KCNC3: variants seen among roughly 807,000 people sequenced by gnomAD.
KCNC3 encodes the protein voltage-gated potassium channel KCNC3.
In KCNC3, 22 loss-of-function variants were observed where a neutral mutation model predicts 43.9. The ratio of observed to expected loss-of-function variants is 0.50; its 90% confidence interval spans 0.36 to 0.72. The LOEUF (loss-of-function observed/expected upper bound fraction) is 0.72, where lower values mean the gene tolerates loss of function less well. KCNC3 is among the 30% of genes least tolerant of loss of function. The pLI is 0.00. For missense variants in KCNC3, 829 were observed against 1,073.8 expected, an observed-to-expected ratio of 0.77 and a Z score of 3.19; for synonymous variants, 492 against 488.0, an observed-to-expected ratio of 1.01 and a Z score of -0.11.
At chr19:50,331,017 A>G (rs1326925543), upstream of KCNC3, among the ~76,000 whole-genome samples, 1 of 152,012 alleles carries the variant, frequency 6.6e-6, no homozygotes, top group Non-Finnish European at 1.5e-5. Flanking sequence ...TTCCTGCTGC[A>G]GGTGCGGCGG....
chr19:50,333,252 AG>A (rs1313589545), upstream of KCNC3, among the ~76,000 whole-genome samples: 1 of 152,134 alleles, frequency 6.6e-6, no homozygotes, highest in Non-Finnish European at 1.5e-5. Context: ...GGGGTGACCC[AG>A]CCCCGGCAGC....
chr19:50,313,447 T>A lies in KCNC3; in HGVS notation c.*2668A>T, dbSNP rs2036906001. 1 of 152,224 alleles carries A rather than the reference T, an allele frequency of 6.6e-6. No individual in the cohort carries two copies. The highest frequency in any genetic ancestry group is 2.4e-5 in the African/African-American group (1 of 41,452). 9.4% of individuals were successfully genotyped at this position (152,224 alleles called of 1,614,324 possible). ...ACAAAACTTTTAAAACAAGTGTTTGTCCTCATACTGCCTCAAACCTTAGCA... is the reference window on the plus strand; with the variant it reads ...ACAAAACTTTTAAAACAAGTGTTTGACCTCATACTGCCTCAAACCTTAGCA... On this transcript the variant is annotated 3_prime_UTR_variant, in exon 5 of 5. Coordinates refer to ENST00000477616, the MANE Select transcript of KCNC3 (RefSeq NM_004977.3).
In KCNC3 at chr19:50,314,323, C is replaced by G. The variant is rs550722148; in HGVS notation, c.*1792G>C. 1 of 153,658 alleles carries G rather than the reference C, an allele frequency of 6.5e-6. No homozygotes were observed. Among genetic ancestry groups the G allele is most frequent in the Admixed American group, 6.5e-5 (1 of 15,462 alleles). The allele number at this position is 153,658 out of a possible 1,614,324, so 9.5% of individuals were successfully genotyped here. ...AGTTTCTGGTTTGTTTTCTCCTAAT[C>G]AACGCACAGGGTTGGTTGTCCTCCT... On this transcript the variant is annotated 3_prime_UTR_variant, in exon 5 of 5. Transcript: ENST00000477616.
In KCNC3 at chr19:50,323,237, G is replaced by C. The variant is rs1391275066; in HGVS notation, c.1716C>G (p.Pro572=). The C allele has an allele frequency of 6.3e-7, 1 of 1,584,496 alleles. No individual in the cohort carries two copies. The highest frequency in any genetic ancestry group is 1.3e-5 in the African/African-American group (1 of 74,582). ...GGGGTGGGTCAGGCTTGCAGTAGTT[G>C]GGCGAGCCCGGTTGCGGGGGCCGGG... ...HIPRPPQPGS[P]NYCKPDPPPP... is the part of the protein sequence containing the mutation. Residue 572 remains proline, a synonymous_variant, in exon 2 of 5, where the codon CCC becomes CCG. Transcript: ENST00000477616.
At chr19:50,327,707 G>T (rs1456315781) in intron 1 of KCNC3, among the ~76,000 whole-genome samples, 1 of 152,018 alleles carries the variant, frequency 6.6e-6, no homozygotes, top group South Asian at 2.1e-4. Context: ...GAAAGTGGGG[G>T]TCAGGGCTCA....
chr19:50,332,787 A>AG (rs1381846576), upstream of KCNC3, among the ~76,000 whole-genome samples: 2 of 152,018 alleles, frequency 1.3e-5, no homozygotes, highest in African/African-American at 4.8e-5. This position sits in a 1 kb window ranked among gnomAD's most constrained non-coding sequence, Gnocchi z 5.8. Flanking sequence ...CAGGCCCTCA[A>AG]GACACAAAAT....
At chr19:50,326,529 TC>T (rs2037108004) in intron 1 of KCNC3, among the ~76,000 whole-genome samples, 1 of 149,414 alleles carries the variant, frequency 6.7e-6, no homozygotes, top group Non-Finnish European at 1.5e-5. Context: ...TCCGCGTCCT[TC>T]CCGGCTCAGG....
Position 50,320,585 on chromosome 19 carries a change from C to A in KCNC3, c.2170+8G>T, listed in dbSNP as rs775303895. On this transcript the variant is annotated splice_region_variant and intron_variant, in intron 3 of 4. Coordinates refer to ENST00000477616, the MANE Select transcript of KCNC3 (RefSeq NM_004977.3). ...GGTCCCAGGGGATCAGTAGGGGGGG[C>A]ACCTCACCTTTTCGGATGGAGCCAT... The A allele has an allele frequency of 1.1e-5, 17 of 1,609,332 alleles. No individual in the cohort carries two copies. The highest frequency in any genetic ancestry group is 3.4e-5 in the Admixed American group (2 of 59,582).
At chr19:50,330,832 C>T (rs1302723849), upstream of KCNC3, among the ~76,000 whole-genome samples, 1 of 151,950 alleles carries the variant, frequency 6.6e-6, no homozygotes, top group Non-Finnish European at 1.5e-5. Context: ...GCGGGCCGTC[C>T]CCGCCCCCTG....
At chr19:50,317,229 T>TG (rs35912998) in intron 4 of KCNC3, among the ~76,000 whole-genome samples, 44 of 143,606 alleles carry the variant, frequency 3.1e-4, no homozygotes, top group African/African-American at 1.0e-3. Flanking sequence ...AAAGGAGAGG[T>TG]GGGGGGGATG....
In KCNC3 at chr19:50,323,624, G is replaced by C. The variant is rs759513228; in HGVS notation, c.1329C>G (p.Ala443=). 6.2e-7 allele frequency: 1 copy of C among 1,614,230 alleles called. No homozygotes were observed. Among genetic ancestry groups the C allele is most frequent in the Admixed American group, 1.7e-5 (1 of 60,034 alleles). Residue 443 remains alanine, a synonymous_variant, in exon 2 of 5, where the codon GCC becomes GCG. Transcript: ENST00000477616. ...GLRVLGHTLR[A]STNEFLLLII... The stretch of plus-strand genomic sequence containing the variant: ...TGAGCAGCAGGAACTCGTTGGTGCT[G>C]GCGCGGAGCGTGTGTCCCAGCACGC...
chr19:50,322,786 T>C lies in KCNC3; in HGVS notation c.1978+189A>G, dbSNP rs143820165. Reference sequence around the variant, plus strand: ...GCAAATCTGTTTCTCCCCAAAACTCTTTCCCATGAAACCTATGTCTCTGTG... The same window carrying C: ...GCAAATCTGTTTCTCCCCAAAACTCCTTCCCATGAAACCTATGTCTCTGTG... On this transcript the variant is annotated intron_variant, in intron 2 of 4. Transcript: ENST00000477616. Among the ~76,000 whole-genome samples, 1,008 of 152,314 alleles carry C rather than the reference T, an allele frequency of 6.6e-3. 6 individuals carry two copies. The highest frequency in any genetic ancestry group is 0.021 in the African/African-American group (893 of 41,562).
At chr19:50,318,991 C>CAAAAAAAAAAAAAAA (rs11326559) in intron 4 of KCNC3, among the ~76,000 whole-genome samples, 5 of 71,458 alleles carry the variant, frequency 7.0e-5, no homozygotes, top group African/African-American at 6.8e-5. Flanking sequence ...AAGACAGTCT[C>CAAAAAAAAAAAAAAA]AAAAAAAAAA....
intron 2 of KCNC3, among the ~76,000 whole-genome samples, chr19:50,322,152 A>AG (rs967276296): frequency 1.2e-4 from 18 of 146,892 alleles, no homozygotes; most frequent in Admixed American, 2.7e-4. Flanking sequence ...GGGGCAGTGC[A>AG]GGGGGGGGCC....
chr19:50,314,181 A>G lies in KCNC3; in HGVS notation c.*1934T>C, dbSNP rs2036914218. On this transcript the variant is annotated 3_prime_UTR_variant, in exon 5 of 5. Coordinates refer to ENST00000477616, the MANE Select transcript of KCNC3 (RefSeq NM_004977.3). ...TCCTAAAGGCTGAGGGAGCAGGTCCAAAGCCCGCCCCGCCCTCCCACCACC... is the reference window on the plus strand; with the variant it reads ...TCCTAAAGGCTGAGGGAGCAGGTCCGAAGCCCGCCCCGCCCTCCCACCACC... 2 of 152,028 alleles carry G rather than the reference A, an allele frequency of 1.3e-5. No individual in the cohort carries two copies. The highest frequency in any genetic ancestry group is 1.3e-4 in the Admixed American group (2 of 15,246). 9.4% of individuals were successfully genotyped at this position (152,028 alleles called of 1,614,324 possible). A position where few individuals can be genotyped will look rare whatever the true frequency, so the allele number is the denominator to read the frequency against.
Position 50,314,614 on chromosome 19 carries a change from A to G in KCNC3, c.*1501T>C, listed in dbSNP as rs1196548621. 1.2e-5 allele frequency: 4 copies of G among 330,388 alleles called. No homozygotes were observed. Among genetic ancestry groups the G allele is most frequent in the South Asian group, 4.4e-5 (2 of 45,036 alleles). 20.5% of individuals were successfully genotyped at this position (330,388 alleles called of 1,614,324 possible). A position where few individuals can be genotyped will look rare whatever the true frequency, so the allele number is the denominator to read the frequency against. On this transcript the variant is annotated 3_prime_UTR_variant, in exon 5 of 5. Coordinates refer to ENST00000477616, the MANE Select transcript of KCNC3 (RefSeq NM_004977.3). ...GTCCTATGGCTCGTGGAGACCTGAG[A>G]AGGCTTTTTTTGGGGAGGGAAGAGT... is the stretch of plus-strand genomic sequence containing the variant.
chr19:50,328,335 C>T lies in KCNC3; in HGVS notation c.748G>A (p.Ala250Thr). Residue 250 changes from alanine to threonine, a missense_variant, in exon 1 of 5, where the codon GCG (alanine) becomes ACG (threonine). Transcript: ENST00000477616. ...GGCGGCCCCCCGGCGCCGCCGCCCGCGTCCTGGAAGCAGAGGCGCTTGAGC... is the reference window on the plus strand; with the variant it reads ...GGCGGCCCCCCGGCGCCGCCGCCCGTGTCCTGGAAGCAGAGGCGCTTGAGC... ...GELKRLCFQD[A>T]GGGAGGPPGG... is the part of the protein sequence containing the mutation. The T allele has an allele frequency of 4.3e-6, 5 of 1,150,138 alleles. No individual in the cohort carries two copies. The highest frequency in any genetic ancestry group is 5.3e-6 in the Non-Finnish European group (5 of 938,144). The allele number at this position is 1,150,138 out of a possible 1,614,324, so 71.2% of individuals were successfully genotyped here. A position where few individuals can be genotyped will look rare whatever the true frequency, so the allele number is the denominator to read the frequency against.
At chr19:50,321,847 G>T (rs565306248) in intron 2 of KCNC3, among the ~76,000 whole-genome samples, 4 of 152,126 alleles carry the variant, frequency 2.6e-5, no homozygotes, top group South Asian at 4.2e-4. Context: ...GGCAGTGTTG[G>T]GGGGTGGTTG....
Position 50,314,918 on chromosome 19 carries a change from G to A in KCNC3, c.*1197C>T. The stretch of plus-strand genomic sequence containing the variant: ...GGCCCGGGGAGAGCCAGGGGGGGTG[G>A]CAAGGGGCGCGAGGCGCAGGGACAC... On this transcript the variant is annotated 3_prime_UTR_variant, in exon 5 of 5. Coordinates refer to ENST00000477616, the MANE Select transcript of KCNC3 (RefSeq NM_004977.3). 3.3e-6 allele frequency: 1 copy of A among 307,462 alleles called. No homozygotes were observed. The highest frequency in any genetic ancestry group is 2.4e-5 in the South Asian group (1 of 42,446). The allele number at this position is 307,462 out of a possible 1,614,324, so 19.0% of individuals were successfully genotyped here. A position where few individuals can be genotyped will look rare whatever the true frequency, so the allele number is the denominator to read the frequency against.
Sources: allele counts gnomAD v4.1 joint callset (sites outside exome capture counted in the v4.1 genomes callset), GRCh38; gene constraint gnomAD v4.1.1; non-coding constraint Gnocchi (gnomAD v3.1); transcripts MANE v1.5; gene names NCBI Gene and HGNC (gene_info 2026-07-23, HGNC 2026-07-21).